CDC42BPA: variants seen among roughly 807,000 people sequenced by gnomAD.
CDC42BPA encodes the protein serine/threonine-protein kinase MRCK alpha.
Under a neutral mutation model 223.5 loss-of-function variants are expected in CDC42BPA, and 80 were observed. That is an observed-to-expected ratio of 0.36 (90% CI 0.30 to 0.43). The LOEUF is 0.43. Among genes scored for constraint, CDC42BPA ranks in the 20% least tolerant of loss-of-function variants. The pLI is 1.00. For missense variants in CDC42BPA, 1,743 were observed against 2,099.9 expected (o/e 0.83, Z 3.32); for synonymous variants, 694 against 718.6 (o/e 0.97, Z 0.55).
intron 2 of CDC42BPA, among the ~76,000 whole-genome samples, chr1:227,236,048 T>C (rs911097270): frequency 6.6e-6 from 1 of 152,188 alleles, no homozygotes; most frequent in Non-Finnish European, 1.5e-5. Flanking sequence ...CTCTGTTCTT[T>C]TCTGTAGCAT....
intron 16 of CDC42BPA, among the ~76,000 whole-genome samples, chr1:227,085,367 A>G (rs1681640561): frequency 6.6e-6 from 1 of 152,252 alleles, no homozygotes. Flanking sequence ...TCTTCTTTTT[A>G]AAAATAGCCA....
chr1:227,086,516 C>T (rs1404068594), intron 16 of CDC42BPA, among the ~76,000 whole-genome samples: 5 of 151,996 alleles, frequency 3.3e-5, no homozygotes, highest in Admixed American at 6.6e-5. Flanking sequence ...CAGCCATTCT[C>T]GAGGGTATAC....
intron 6 of CDC42BPA, among the ~76,000 whole-genome samples, chr1:227,150,822 A>G (rs1195502258): frequency 6.6e-6 from 1 of 150,792 alleles, no homozygotes; most frequent in Non-Finnish European, 1.5e-5. Context: ...TAGAAAAATA[A>G]AAATTTTTAA....
chr1:227,060,354 G>A (rs987278648), intron 21 of CDC42BPA, among the ~76,000 whole-genome samples: 1 of 152,024 alleles, frequency 6.6e-6, no homozygotes, highest in African/African-American at 2.4e-5. Flanking sequence ...TATCTACTTC[G>A]GCAATTTCTA....
At chr1:227,297,967 T>TATATATATATACAC in intron 1 of CDC42BPA, among the ~76,000 whole-genome samples, 1 of 132,076 alleles carries the variant, frequency 7.6e-6, no homozygotes, top group South Asian at 2.4e-4. Flanking sequence ...TATATACATA[T>TATATATATATACAC]ACACACACAC....
rs1464820920 is a variant in CDC42BPA at position 227,073,711 on chromosome 1, C to T, written c.2735+153G>A. Among the ~76,000 whole-genome samples the T allele has an allele frequency of 2.0e-5, 3 of 152,090 alleles. No individual in the cohort carries two copies. In the East Asian group the frequency reaches 5.8e-4, roughly 29 times the overall value. ...TAAAACCTCATCACTATCTACAAGG[C>T]TTAAAAGCATCTAGTTATTTTCAAA... On this transcript the variant is annotated intron_variant, in intron 19 of 36. Coordinates refer to ENST00000366766, the MANE Select transcript of CDC42BPA (RefSeq NM_001394014.1).
At chr1:227,228,282 T>G (rs1677209533) in intron 2 of CDC42BPA, among the ~76,000 whole-genome samples, 1 of 152,252 alleles carries the variant, frequency 6.6e-6, no homozygotes, top group African/African-American at 2.4e-5. Context: ...TCATACAATA[T>G]GTGGCTTTTT....
rs189151741 is a variant in CDC42BPA, at chr1:227,307,974, A to C, written c.178+9031T>G. Among the ~76,000 whole-genome samples, 297 of 152,344 alleles carry C rather than the reference A, an allele frequency of 1.9e-3. 2 individuals are homozygous for C. The highest frequency in any genetic ancestry group is 6.7e-3 in the African/African-American group (279 of 41,582). ...ATTAACTTGATACTTACTGAAGAAT[A>C]ATTATATAACAACAAAATGTTCCAA... On this transcript the variant is annotated intron_variant, in intron 1 of 36. Transcript: ENST00000366766.
intron 5 of CDC42BPA, among the ~76,000 whole-genome samples, chr1:227,168,539 A>G (rs1665531936): frequency 8.6e-6 from 1 of 116,288 alleles, no homozygotes; most frequent in Non-Finnish European, 1.6e-5. Flanking sequence ...TCTGTCACCC[A>G]GGCTGGAGTG....
At chr1:227,049,392 T>C (rs1049334352) in intron 22 of CDC42BPA, among the ~76,000 whole-genome samples, 2 of 152,036 alleles carry the variant, frequency 1.3e-5, no homozygotes, top group Non-Finnish European at 1.5e-5. Context: ...TGAAATACAC[T>C]GAAAATAATG....
intron 12 of CDC42BPA, among the ~76,000 whole-genome samples, chr1:227,115,344 T>C (rs1687604025): frequency 6.6e-6 from 1 of 152,096 alleles, no homozygotes; most frequent in Non-Finnish European, 1.5e-5. Context: ...CACTACATAA[T>C]GATAAAATTC....
chr1:227,231,907 G>T (rs1319422191), intron 2 of CDC42BPA, among the ~76,000 whole-genome samples: 1 of 152,140 alleles, frequency 6.6e-6, no homozygotes, highest in Non-Finnish European at 1.5e-5. Context: ...TGAGTAGATT[G>T]CAAAAATTTT....
At chr1:227,054,825 T>C (rs1407000923) in intron 21 of CDC42BPA, among the ~76,000 whole-genome samples, 2 of 152,036 alleles carry the variant, frequency 1.3e-5, no homozygotes, top group African/African-American at 4.8e-5. Flanking sequence ...TAAATGAAAA[T>C]ATTTAATTGT....
chr1:227,296,567 A>G (rs567285289), intron 1 of CDC42BPA, among the ~76,000 whole-genome samples: 1 of 151,944 alleles, frequency 6.6e-6, no homozygotes, highest in Non-Finnish European at 1.5e-5. Flanking sequence ...TTAGCTGGGC[A>G]TGGTGTCACA....
At chr1:227,280,017 C>G (rs1687750645) in intron 1 of CDC42BPA, among the ~76,000 whole-genome samples, 2 of 151,768 alleles carry the variant, frequency 1.3e-5, no homozygotes, top group Admixed American at 6.6e-5. Context: ...GAGATTGTGC[C>G]ACTGTAATCC....
In CDC42BPA at chr1:227,013,751, G is replaced by C. The variant is rs545588086; in HGVS notation, c.4857+2329C>G. On this transcript the variant is annotated intron_variant, in intron 34 of 36. Transcript: ENST00000366766. ...AGTGTAAAAAATTTAAATTTTAAAAGACTATCTATTAAAACCTTGTAACTA... is the reference window on the plus strand; with the variant it reads ...AGTGTAAAAAATTTAAATTTTAAAACACTATCTATTAAAACCTTGTAACTA... Among the ~76,000 whole-genome samples the C allele has an allele frequency of 3.9e-5, 6 of 152,002 alleles. No homozygotes were observed. In the South Asian group the frequency reaches 1.2e-3, roughly 32 times the overall value.
chr1:227,197,413 A>C (rs919023298), intron 4 of CDC42BPA, among the ~76,000 whole-genome samples: 1 of 152,112 alleles, frequency 6.6e-6, no homozygotes, highest in African/African-American at 2.4e-5. Context: ...TGACTACTAG[A>C]GTGTTTCATT....
chr1:226,994,717 C>A lies in CDC42BPA; in HGVS notation c.5133+106G>T. 1 of 1,216,188 alleles carries A rather than the reference C, an allele frequency of 8.2e-7. No homozygotes were observed. The highest frequency in any genetic ancestry group is 1.5e-5 in the African/African-American group (1 of 66,226). 75.3% of individuals were successfully genotyped at this position (1,216,188 alleles called of 1,614,324 possible). A position where few individuals can be genotyped will look rare whatever the true frequency, so the allele number is the denominator to read the frequency against. On this transcript the variant is annotated intron_variant, in intron 36 of 36. Coordinates refer to ENST00000366766, the MANE Select transcript of CDC42BPA (RefSeq NM_001394014.1). This position sits in a 1 kb window ranked among gnomAD's most constrained non-coding sequence, Gnocchi z 4.0. ...GCCAAGAGTGAATGCTGGCCCCTGA[C>A]CCCGAACCCTGCTGCAGCTGAGGCC...
intron 17 of CDC42BPA, among the ~76,000 whole-genome samples, chr1:227,078,556 C>T (rs1436170714): frequency 6.6e-6 from 1 of 152,002 alleles, no homozygotes; most frequent in African/African-American, 2.4e-5. Context: ...TCTGATGAGC[C>T]AATGGCGAGA....
Sources: gnomAD v4.1 joint callset for allele counts (sites outside exome capture counted in the v4.1 genomes callset) on GRCh38, gnomAD v4.1.1 for gene constraint, Gnocchi (gnomAD v3.1) non-coding constraint, MANE v1.5 for transcripts, NCBI Gene and HGNC (gene_info 2026-07-23, HGNC 2026-07-21) for gene names.